CETP: variants seen among roughly 807,000 people sequenced by gnomAD.
CETP encodes cholesteryl ester transfer protein, also known as BPI fold containing family F.
A neutral mutation model predicts 66.5 loss-of-function variants in CETP; 56 were observed. The observed-to-expected ratio is 0.84, with a 90% CI of 0.68 to 1.05. CETP has a LOEUF of 1.05. Among genes scored for constraint, CETP ranks in the 50% least tolerant of loss-of-function variants. The probability of loss-of-function intolerance (pLI) is 0.00; values close to 1 mark genes in which losing one functional copy is unlikely to be tolerated. For missense variants in CETP, 612 were observed against 609.6 expected, an observed-to-expected ratio of 1.00 and a Z score of -0.04; for synonymous variants, 251 against 245.7, an observed-to-expected ratio of 1.02 and a Z score of -0.20.
At chr16:56,973,171 T>C (rs779564582) in intron 8 of CETP, among the ~76,000 whole-genome samples, 160 bp from the exon 9 acceptor site, 1 of 152,224 alleles carries the variant, frequency 6.6e-6, no homozygotes, top group Non-Finnish European at 1.5e-5. Context: ...ATTTGTTGAA[T>C]GAGTGAAAGC....
At chr16:56,975,432 C>T (rs1359863622) in intron 10 of CETP, among the ~76,000 whole-genome samples, 1 of 152,158 alleles carries the variant, frequency 6.6e-6, no homozygotes, top group Non-Finnish European at 1.5e-5. Context: ...CTCTATTGCC[C>T]CCAAAGATAA....
At chr16:56,962,207 C>T in intron 1 of CETP, 110 bp downstream of exon 1, 2 of 918,970 alleles carry the variant, frequency 2.2e-6, no homozygotes, top group African/African-American at 1.6e-5. Flanking sequence ...GCCACACTAG[C>T]CCAGAGAGAG....
At chr16:56,971,842 G>A in intron 7 of CETP, 150 bp from the exon 8 acceptor site, 1 of 721,550 alleles carries the variant, frequency 1.4e-6, no homozygotes. Context: ...GAATGAAAAA[G>A]TGCCACACCC....
At chr16:56,967,623 C>G (rs2056076979) in intron 2 of CETP, among the ~76,000 whole-genome samples, 1 of 149,304 alleles carries the variant, frequency 6.7e-6, no homozygotes, top group Non-Finnish European at 1.5e-5. Flanking sequence ...CCACTGCACT[C>G]CAGCCTGAGC....
At chr16:56,977,437 G>A (rs1368193044) in intron 10 of CETP, among the ~76,000 whole-genome samples, 1 of 152,046 alleles carries the variant, frequency 6.6e-6, no homozygotes, top group Non-Finnish European at 1.5e-5. Flanking sequence ...CCCTCTGCCA[G>A]AATGGTTTGC....
At chr16:56,968,111 G>C (rs1414425413) in intron 2 of CETP, among the ~76,000 whole-genome samples, 2 of 151,636 alleles carry the variant, frequency 1.3e-5, no homozygotes, top group Non-Finnish European at 2.9e-5. Flanking sequence ...TATTTATGGG[G>C]TACATGAGAG....
At chr16:56,975,064 A>G in intron 9 of CETP, 37 bp from the exon 10 acceptor site, 1 of 1,606,764 alleles carries the variant, frequency 6.2e-7, no homozygotes, top group Non-Finnish European at 8.5e-7. Context: ...AGTGGACTTT[A>G]CTCCACCCAC....
chr16:56,975,298 T>G, intron 10 of CETP, 147 bp downstream of exon 10: 1 of 721,008 alleles, frequency 1.4e-6, no homozygotes, highest in Non-Finnish European at 2.4e-6. Flanking sequence ...CGGCATGGAG[T>G]GAAGCACTTA....
chr16:56,970,582 C>G (rs1433552890), intron 5 of CETP, among the ~76,000 whole-genome samples: 4 of 152,186 alleles, frequency 2.6e-5, no homozygotes, highest in African/African-American at 9.7e-5. Flanking sequence ...TTGGCCAACA[C>G]CCTCTGTCAA....
chr16:56,980,092 T>C (rs2056177292), intron 11 of CETP, among the ~76,000 whole-genome samples: 1 of 152,220 alleles, frequency 6.6e-6, no homozygotes. Context: ...CATGCTACAG[T>C]GTCATAGCGG....
chr16:56,982,098 G>A, intron 13 of CETP, 67 bp from the exon 14 acceptor site: 14 of 1,423,934 alleles, frequency 9.8e-6, no homozygotes, highest in Non-Finnish European at 3.0e-6. Flanking sequence ...TCCAGGCCGT[G>A]CAGCATCTGC....
chr16:56,977,812 A>T (rs1416018451), intron 10 of CETP, among the ~76,000 whole-genome samples: 1 of 152,168 alleles, frequency 6.6e-6, no homozygotes, highest in Non-Finnish European at 1.5e-5. Flanking sequence ...AGATGAGGAA[A>T]GTGAGGCCCA....
At chr16:56,975,434 C>G (rs1185283463) in intron 10 of CETP, among the ~76,000 whole-genome samples, 2 of 152,176 alleles carry the variant, frequency 1.3e-5, no homozygotes, top group Non-Finnish European at 2.9e-5. Context: ...CTATTGCCCC[C>G]AAAGATAAGG....
chr16:56,977,974 TC>T, intron 10 of CETP, 116 bp from the exon 11 acceptor site: 1 of 1,271,918 alleles, frequency 7.9e-7, no homozygotes, highest in Non-Finnish European at 1.1e-6. Context: ...CCGAGCTACT[TC>T]CTTTTCCCCA....
At chr16:56,977,054 G>A (rs2142003132) in intron 10 of CETP, among the ~76,000 whole-genome samples, 1 of 152,060 alleles carries the variant, frequency 6.6e-6, no homozygotes, top group East Asian at 1.9e-4. Context: ...GGTTACAGGG[G>A]TGCACCACTG....
chr16:56,976,615 C>T (rs2056152054), intron 10 of CETP, among the ~76,000 whole-genome samples: 1 of 151,892 alleles, frequency 6.6e-6, no homozygotes. Context: ...GTGTGAGCCA[C>T]AGCACCCAGC....
chr16:56,970,900 G>C (rs1392968293), intron 5 of CETP, 133 bp from the exon 6 acceptor site: 2 of 817,690 alleles, frequency 2.4e-6, no homozygotes, highest in Non-Finnish European at 4.2e-6. Flanking sequence ...TGCAAAATGG[G>C]AGTGATAATT....
At position 56,969,612 on chromosome 16, in the gene CETP, C is replaced by T; in HGVS notation, c.370C>T (p.Leu124=). Reference sequence around the variant, plus strand: ...TCCTGGGTCCTTGGCTCTTTCCAGGCTGGGTATTGATCAGTCCATTGACTT... The same window carrying T: ...TCCTGGGTCCTTGGCTCTTTCCAGGTTGGGTATTGATCAGTCCATTGACTT... ...LKYGYTTAWW[L]GIDQSIDFEI... The change falls in exon 4 of 16, where the codon CTG becomes TTG. Residue 124 remains leucine (L), a splice_region_variant and synonymous_variant. Coordinates refer to ENST00000200676, the MANE Select transcript of CETP (RefSeq NM_000078.3). 2 of 1,614,214 alleles carry T rather than the reference C, an allele frequency of 1.2e-6. No individual in the cohort carries two copies. The highest frequency in any genetic ancestry group is 2.2e-5 in the South Asian group (2 of 91,088).
rs1482421720 is a variant in CETP at position 56,973,537 on chromosome 16, G to A, written c.930+27G>A. ...TGAGTGGGTGGGGCTGGGCTGCTAG[G>A]GGATCCAGATGGCATGTGGTATGTG... On this transcript the variant is annotated intron_variant, in intron 9 of 15. Transcript: ENST00000200676. 7 of 1,613,248 alleles carry A rather than the reference G, an allele frequency of 4.3e-6. No homozygotes were observed. The African/African-American group carries it at 8.0e-5, about 18-fold the overall frequency.
Sources: allele counts gnomAD v4.1 joint callset (sites outside exome capture counted in the v4.1 genomes callset), GRCh38; gene constraint gnomAD v4.1.1; transcripts MANE v1.5; gene names NCBI Gene and HGNC (gene_info 2026-07-23, HGNC 2026-07-21).